The following INO80 variants were observed in gnomAD, a reference collection of about 807,000 sequenced individuals.
INO80 encodes INO80 complex ATPase subunit, also known as chromatin-remodeling ATPase INO80.
Under a neutral mutation model 203.4 loss-of-function variants are expected in INO80, and 20 were observed. The observed-to-expected ratio is 0.10, with a 90% confidence interval of 0.07 to 0.14. The LOEUF is 0.14. Among genes scored for constraint, INO80 ranks in the 10% least tolerant of loss-of-function variants. INO80 has a pLI of 1.00. For missense variants in INO80, 1,419 were observed against 1,914.4 expected, an observed-to-expected ratio of 0.74 and a Z score of 4.83; for synonymous variants, 726 against 685.2, an observed-to-expected ratio of 1.06 and a Z score of -0.93.
At chr15:41,110,547 T>C (rs770947799) in intron 1 of INO80, among the ~76,000 whole-genome samples, 15 of 152,120 alleles carry the variant, frequency 9.9e-5, no homozygotes, top group Non-Finnish European at 2.1e-4. Flanking sequence ...CAGGTGATCC[T>C]CCCATTTCGG....
chr15:41,058,966 G>T (rs1455154745), intron 15 of INO80, among the ~76,000 whole-genome samples, 185 bp from the exon 16 acceptor site: 1 of 152,046 alleles, frequency 6.6e-6, no homozygotes, highest in African/African-American at 2.4e-5. Context: ...TTGTTTTGCT[G>T]TTGTTGAGAG....
intron 25 of INO80, among the ~76,000 whole-genome samples, chr15:41,025,085 G>T (rs1413282999): frequency 6.6e-6 from 1 of 152,178 alleles, no homozygotes; most frequent in Non-Finnish European, 1.5e-5. Flanking sequence ...GGGCCAAGTG[G>T]GAAAGGAGCA....
intron 11 of INO80, among the ~76,000 whole-genome samples, chr15:41,072,874 G>A (rs536881493): frequency 7.1e-4 from 108 of 151,154 alleles, no homozygotes; most frequent in African/African-American, 2.4e-3. Context: ...TCCGCCTACC[G>A]GGTTCACGTC....
chr15:41,111,455 AT>A (rs932000598), intron 1 of INO80, among the ~76,000 whole-genome samples: 10 of 150,270 alleles, frequency 6.7e-5, no homozygotes, highest in Middle Eastern at 3.5e-3. Context: ...AAAAAAAAGA[AT>A]TTTTTTTTTA....
intron 27 of INO80, among the ~76,000 whole-genome samples, chr15:41,009,810 G>C (rs997874524): frequency 1.3e-5 from 2 of 151,926 alleles, no homozygotes; most frequent in African/African-American, 2.4e-5. Context: ...ATGTTGTCCA[G>C]GCTGGTCTTG....
intron 29 of INO80, among the ~76,000 whole-genome samples, chr15:40,989,428 A>G (rs2043787822): frequency 1.3e-5 from 2 of 152,234 alleles, no homozygotes; most frequent in Non-Finnish European, 2.9e-5. Flanking sequence ...ATGGCGGACC[A>G]GTTCAAAATG....
intron 24 of INO80, among the ~76,000 whole-genome samples, chr15:41,038,923 A>C (rs1232733540): frequency 6.6e-6 from 1 of 152,232 alleles, no homozygotes; most frequent in Non-Finnish European, 1.5e-5. Context: ...ATTGGCTACC[A>C]ACACTTGACC....
rs368326435 is a variant in INO80, at chr15:41,048,248, G to A, written c.2605C>T (p.Pro869Ser). 21 of 1,613,174 alleles carry A rather than the reference G, an allele frequency of 1.3e-5. No individual in the cohort carries two copies. The African/African-American group carries it at 2.5e-4, about 19-fold the overall frequency. Residue 869 changes from proline (P) to serine (S), a missense_variant, in exon 22 of 36, where the codon CCA becomes TCA. Coordinates refer to ENST00000648947, the MANE Select transcript of INO80 (RefSeq NM_017553.3). The part of the protein sequence containing the change: ...RWLRVLSPFA[P>S]DYIQRSLFHR... ...AAGAGAGACCGTTGGATATAGTCTG[G>A]TGCAAATGGAGAAAGAACCCTTAAC...
chr15:41,004,188 T>C (rs529490229), intron 28 of INO80, among the ~76,000 whole-genome samples: 190 of 152,240 alleles, frequency 1.2e-3, no homozygotes, highest in African/African-American at 4.3e-3. Context: ...TGCACGAGGG[T>C]AACAAATGGA....
At chr15:40,987,793 G>GT in intron 30 of INO80, 23 bp downstream of exon 30, 1 of 1,604,530 alleles carries the variant, frequency 6.2e-7, no homozygotes, top group Non-Finnish European at 8.5e-7. Context: ...ACCAGTGTAG[G>GT]AATTTCTTTC....
chr15:41,058,069 A>C (rs140776916), intron 16 of INO80, among the ~76,000 whole-genome samples: 155 of 152,294 alleles, frequency 1.0e-3, no homozygotes, highest in African/African-American at 3.5e-3. Context: ...GGTCTCAGAT[A>C]ATCAACATAA....
Position 40,979,701 on chromosome 15 carries a change from C to G in INO80, c.*522G>C, listed in dbSNP as rs1053853704. ...TCCACCATCTCTCGCAGTCACTGCT[C>G]TCTCCAATGATGACACTCTGGGGTT... On this transcript the variant is annotated 3_prime_UTR_variant, in exon 36 of 36. Coordinates refer to ENST00000648947, the MANE Select transcript of INO80 (RefSeq NM_017553.3). 2.4e-5 allele frequency: 4 copies of G among 165,058 alleles called. No homozygotes were observed. The highest frequency in any genetic ancestry group is 4.8e-5 in the African/African-American group (2 of 41,636). The allele number at this position is 165,058 out of a possible 1,614,324, so 10.2% of individuals were successfully genotyped here. A position where few individuals can be genotyped will look rare whatever the true frequency, so the allele number is the denominator to read the frequency against.
At position 41,095,912 on chromosome 15, in the gene INO80, C is replaced by T. The variant is rs1317970790; in HGVS notation, c.160G>A (p.Gly54Arg). The T allele has an allele frequency of 6.2e-7, 1 of 1,613,752 alleles. No homozygotes were observed. The highest frequency in any genetic ancestry group is 8.5e-7 in the Non-Finnish European group (1 of 1,179,728). Residue 54 changes from glycine (G) to arginine (R), a missense_variant, in exon 3 of 36, where the codon GGA becomes AGA. Gly to Arg is a moderately radical substitution (Grantham distance 125, BLOSUM62 -2). Transcript: ENST00000648947. The stretch of plus-strand genomic sequence containing the variant: ...AATAATGGATTACTGTCATCCAGTC[C>T]ATCTTCACTGTCATCACTATAAATT... ...RNISSDDSEDGLDDSNPLLPQ... is the reference protein window; with the variant it reads ...RNISSDDSEDRLDDSNPLLPQ...
chr15:41,085,457 C>T lies in INO80; in HGVS notation c.785G>A (p.Gly262Asp). 9 of 1,614,072 alleles carry T rather than the reference C, an allele frequency of 5.6e-6. No individual in the cohort carries two copies. The highest frequency in any genetic ancestry group is 7.6e-6 in the Non-Finnish European group (9 of 1,180,008). ...AATGGATAAGTGCTTTTTCTTAGTG[C>T]CAGGGGGAGGTGCATCGTGAGAAAA... ...AKFSHDAPPP[G>D]TKKKHLSIEQ... The change falls in exon 7 of 36, where the codon GGC (glycine) becomes GAC (aspartate). Residue 262 changes from glycine (G) to aspartate (D), a missense_variant. Coordinates refer to ENST00000648947, the MANE Select transcript of INO80 (RefSeq NM_017553.3).
chr15:41,085,144 G>A (rs1342124237), intron 7 of INO80, among the ~76,000 whole-genome samples: 1 of 152,096 alleles, frequency 6.6e-6, no homozygotes, highest in African/African-American at 2.4e-5. Context: ...CCAATTTTTT[G>A]ACCACGGAGC....
intron 15 of INO80, 104 bp from the exon 16 acceptor site, chr15:41,058,885 C>A: frequency 9.6e-7 from 1 of 1,043,622 alleles, no homozygotes; most frequent in Non-Finnish European, 1.4e-6. Context: ...TAAGACAGCC[C>A]TGAAGATGTG....
chr15:41,093,047 C>G (rs1049011676), intron 4 of INO80, among the ~76,000 whole-genome samples: 3 of 152,014 alleles, frequency 2.0e-5, no homozygotes, highest in African/African-American at 7.2e-5. Flanking sequence ...AAAAAGAAAA[C>G]AAAAACAAAA....
At position 41,047,468 on chromosome 15, in the gene INO80, C is replaced by T; in HGVS notation, c.2675G>A (p.Arg892His). 1 of 1,612,314 alleles carries T rather than the reference C, an allele frequency of 6.2e-7. No individual in the cohort carries two copies. The highest frequency in any genetic ancestry group is 8.5e-7 in the Non-Finnish European group (1 of 1,179,418). Reference sequence around the variant, plus strand: ...TTCTGCTGGAGATATATCAATAAAGCGAAGGAAAGAGAAACAGCTTTCTTC... The same window carrying T: ...TTCTGCTGGAGATATATCAATAAAGTGAAGGAAAGAGAAACAGCTTTCTTC... ...INEESCFSFL[R>H]FIDISPAEMA... The change falls in exon 23 of 36, where the codon CGC (arginine) becomes CAC (histidine). Residue 892 changes from arginine to histidine, a missense_variant. Physicochemically the swap from Arg to His is conservative, Grantham distance 29. This residue lies in a region of INO80 where 302 missense variants were observed against 345.4 expected (regional missense o/e 0.87). Coordinates refer to ENST00000648947, the MANE Select transcript of INO80 (RefSeq NM_017553.3).
chr15:41,048,313 A>C, intron 21 of INO80, 37 bp from the exon 22 acceptor site: 1 of 1,505,182 alleles, frequency 6.6e-7, no homozygotes, highest in South Asian at 1.1e-5. Context: ...CCAAACCCAA[A>C]CATAAATAAT....
Sources: gnomAD v4.1 joint callset for allele counts (sites outside exome capture counted in the v4.1 genomes callset) on GRCh38, gnomAD v4.1.1 for gene constraint, gnomAD v4.1.1 regional missense constraint, MANE v1.5 for transcripts, NCBI Gene and HGNC (gene_info 2026-07-23, HGNC 2026-07-21) for gene names.